JPH2: variants seen among roughly 807,000 people sequenced by gnomAD.
JPH2 encodes junctophilin 2.
A neutral mutation model predicts 55.9 loss-of-function variants in JPH2; 38 were observed. The ratio of observed to expected loss-of-function variants is 0.68; its 90% confidence interval spans 0.52 to 0.89. The LOEUF (loss-of-function observed/expected upper bound fraction) is 0.89. Ranked by LOEUF, JPH2 falls within the 40% of genes least tolerant of loss-of-function variation. The pLI, the probability that JPH2 is intolerant of heterozygous loss-of-function variation, is 0.00. For missense variants in JPH2, 964 were observed against 1,037.6 expected, an observed-to-expected ratio of 0.93 and a Z score of 0.97; for synonymous variants, 480 against 472.4, an observed-to-expected ratio of 1.02 and a Z score of -0.21.
chr20:44,186,290 C>T (rs1157597863), intron 1 of JPH2, 37 bp downstream of exon 1: 3 of 1,605,490 alleles, frequency 1.9e-6, no homozygotes, highest in African/African-American at 2.7e-5. Flanking sequence ...CCCTCCCTGG[C>T]TCCACCCCAC....
chr20:44,123,465 AC>A (rs1299666337), intron 2 of JPH2, among the ~76,000 whole-genome samples: 4 of 152,056 alleles, frequency 2.6e-5, no homozygotes, highest in Admixed American at 2.6e-4. Context: ...CCGTGGCCTC[AC>A]CCCTTGCTTC....
chr20:44,170,179 T>C (rs767218622), intron 1 of JPH2, among the ~76,000 whole-genome samples: 17 of 152,218 alleles, frequency 1.1e-4, no homozygotes, highest in Non-Finnish European at 1.6e-4. Context: ...AGTTCCTTCA[T>C]GACCTGGTTC....
intron 2 of JPH2, among the ~76,000 whole-genome samples, chr20:44,124,720 G>A (rs748128392): frequency 3.3e-5 from 5 of 151,934 alleles, no homozygotes; most frequent in Non-Finnish European, 5.9e-5. Context: ...TCCAGGGCAC[G>A]GGTCAGCAGA....
chr20:44,119,469 C>T (rs891312345), intron 2 of JPH2, among the ~76,000 whole-genome samples: 1 of 152,194 alleles, frequency 6.6e-6, no homozygotes, highest in South Asian at 2.1e-4. Flanking sequence ...CAGATCCCTT[C>T]ACTGGGCAAA....
At chr20:44,126,013 C>T (rs2072272200) in intron 2 of JPH2, among the ~76,000 whole-genome samples, 1 of 151,502 alleles carries the variant, frequency 6.6e-6, no homozygotes, top group Admixed American at 6.6e-5. Context: ...ATGGACCCCG[C>T]TACTTGGAAG....
chr20:44,186,320 G>A lies in JPH2; in HGVS notation c.379+7C>T. 1 of 1,609,118 alleles carries A rather than the reference G, an allele frequency of 6.2e-7. No homozygotes were observed. The highest frequency in any genetic ancestry group is 8.5e-7 in the Non-Finnish European group (1 of 1,179,614). ...CCCCACCTCTGCGGGCCCCCAGCTG[G>A]CCTCACCTCCATCAGCATAGGTCTC... On this transcript the variant is annotated splice_region_variant and intron_variant, in intron 1 of 5. Coordinates refer to ENST00000372980, the MANE Select transcript of JPH2 (RefSeq NM_020433.5).
At chr20:44,151,894 C>T (rs2072533268) in intron 2 of JPH2, among the ~76,000 whole-genome samples, 1 of 152,214 alleles carries the variant, frequency 6.6e-6, no homozygotes, top group Non-Finnish European at 1.5e-5. Flanking sequence ...ATGCTAGTTC[C>T]TCTACCTGGA....
In JPH2 at chr20:44,175,001, TA is replaced by T. The variant is rs11483850; in HGVS notation, c.379+11325del. Among the ~76,000 whole-genome samples the T allele has an allele frequency of 3.2e-3, 480 of 150,368 alleles. 3 individuals carry two copies. Among genetic ancestry groups the T allele is most frequent in the Middle Eastern group, 0.031 (9 of 294 alleles). On this transcript the variant is annotated intron_variant, in intron 1 of 5. Transcript: ENST00000372980. ...AACAGAGTGAGACCCTGTCTCAAAT[TA>T]AAAAAAAAGAAAACAAAATTTTAAA...
chr20:44,167,145 G>A (rs1333063386), intron 1 of JPH2, among the ~76,000 whole-genome samples: 2 of 152,188 alleles, frequency 1.3e-5, no homozygotes, highest in Non-Finnish European at 2.9e-5. Context: ...CATTCCCTGA[G>A]TGCTGCTGGA....
At position 44,112,794 on chromosome 20, in the gene JPH2, C is replaced by CA. The variant is rs11482166; in HGVS notation, c.*723_*724insT. On this transcript the variant is annotated 3_prime_UTR_variant, in exon 6 of 6. Transcript: ENST00000372980. ...CTTAACCCCTCTTCCCACCCTGCCC[C>CA]CTGGCCACCTGGTCAGTGGCTTCCC... The CA allele has an allele frequency of 0.42, 63,799 of 152,302 alleles. 14,086 individuals carry two copies. The highest frequency in any genetic ancestry group is 0.54 in the African/African-American group (22,431 of 41,486). The allele number at this position is 152,302 out of a possible 1,614,324, so 9.4% of individuals were successfully genotyped here.
Position 44,159,655 on chromosome 20 carries a change from C to T in JPH2, c.1132G>A (p.Ala378Thr), listed in dbSNP as rs770866282. The T allele has an allele frequency of 1.2e-6, 2 of 1,609,024 alleles. No individual in the cohort carries two copies. The highest frequency in any genetic ancestry group is 2.2e-5 in the East Asian group (1 of 44,886). The change falls in exon 2 of 6, where the codon GCT (alanine) becomes ACT (threonine). Residue 378 changes from alanine (A) to threonine (T), a missense_variant. Physicochemically the swap from Ala to Thr is moderately conservative, Grantham distance 58 (BLOSUM62 0). Transcript: ENST00000372980. This position sits in a 1 kb window ranked among gnomAD's most constrained non-coding sequence, Gnocchi z 5.7. The stretch of plus-strand genomic sequence containing the variant: ...ATCTCGGCCTTCTGGCGCGCGATAG[C>T]AGCGGCGCGCTGGGCACCCTCCACA... ...HSVEGAQRAA[A>T]IARQKAEIAA...
chr20:44,177,208 A>AAT, intron 1 of JPH2: 2 of 985,664 alleles, frequency 2.0e-6, no homozygotes, highest in Non-Finnish European at 2.4e-6. Flanking sequence ...GAACAAGGAT[A>AAT]ACCCTCCAAG....
At chr20:44,165,049 G>C (rs1457890163) in intron 1 of JPH2, among the ~76,000 whole-genome samples, 1 of 151,976 alleles carries the variant, frequency 6.6e-6, no homozygotes, top group Non-Finnish European at 1.5e-5. Context: ...TGTTGGCCAG[G>C]CTGGTCTCAA....
Position 44,160,549 on chromosome 20 carries a change from G to A in JPH2, c.380-142C>T. The stretch of plus-strand genomic sequence containing the variant: ...GGCCGTCTGAGGGTCAGGGTGCACA[G>A]TGCTATGAGTGTTTGAGTCTACTCG... On this transcript the variant is annotated intron_variant, in intron 1 of 5. Coordinates refer to ENST00000372980, the MANE Select transcript of JPH2 (RefSeq NM_020433.5). The surrounding 1 kb of genome is among the most constrained non-coding windows in gnomAD (Gnocchi z 4.9). 1.2e-6 allele frequency: 1 copy of A among 811,432 alleles called. No individual in the cohort carries two copies. Among genetic ancestry groups the A allele is most frequent in the Non-Finnish European group, 2.0e-6 (1 of 489,634 alleles). 50.3% of individuals were successfully genotyped at this position (811,432 alleles called of 1,614,324 possible).
chr20:44,186,566 TCAAAGC>T lies in JPH2; in HGVS notation c.134_139del (p.Gly45_Phe46del), dbSNP rs1258790044. The T allele has an allele frequency of 6.2e-7, 1 of 1,613,640 alleles. No homozygotes were observed. The highest frequency in any genetic ancestry group is 1.7e-5 in the Admixed American group (1 of 60,006). On this transcript the variant is annotated inframe_deletion, in exon 1 of 6. Coordinates refer to ENST00000372980, the MANE Select transcript of JPH2 (RefSeq NM_020433.5). ...GGGCCAGGTGTAGACACCTGCCACC[TCAAAGC>T]CAAAGTTCCAGGAGCCAGAGTATTC...
At chr20:44,124,008 G>A (rs1293092392) in intron 2 of JPH2, among the ~76,000 whole-genome samples, 1 of 152,178 alleles carries the variant, frequency 6.6e-6, no homozygotes, top group Non-Finnish European at 1.5e-5. Context: ...TCTGGGTGAG[G>A]GTCTGGAGGA....
Position 44,160,413 on chromosome 20 carries a change from G to A in JPH2, c.380-6C>T, listed in dbSNP as rs201197277. 3.2e-3 allele frequency: 5,179 copies of A among 1,608,386 alleles called. 28 individuals are homozygous for A. The highest frequency in any genetic ancestry group is 0.011 in the South Asian group (1,010 of 90,082). On this transcript the variant is annotated splice_region_variant and splice_polypyrimidine_tract_variant and intron_variant, in intron 1 of 5. Transcript: ENST00000372980. This position sits in a 1 kb window ranked among gnomAD's most constrained non-coding sequence, Gnocchi z 4.9. ...GAACTGGCCTTGGTACGTCCCTGCGGGCGAGGAGAGGGCGCGTCAGTAGGC... is the reference window on the plus strand; with the variant it reads ...GAACTGGCCTTGGTACGTCCCTGCGAGCGAGGAGAGGGCGCGTCAGTAGGC...
chr20:44,142,191 C>G lies in JPH2; in HGVS notation c.1169+17427G>C, dbSNP rs985820611. On this transcript the variant is annotated intron_variant, in intron 2 of 5. Transcript: ENST00000372980. ...GCCCTACCCTGACCTGCAAGGCCCC[C>G]GAAGCCACCACCCAATAGAACTTTC... 6.6e-5 allele frequency among the ~76,000 whole-genome samples: 10 copies of G among 152,108 alleles called. No homozygotes were observed. In the East Asian group the frequency reaches 1.5e-3, roughly 23 times the overall value.
At chr20:44,163,445 C>T (rs2072630196) in intron 1 of JPH2, among the ~76,000 whole-genome samples, 1 of 152,100 alleles carries the variant, frequency 6.6e-6, no homozygotes, top group Non-Finnish European at 1.5e-5. Flanking sequence ...CTGCCTGGTC[C>T]CTCCCAGCAC....
Sources: gnomAD v4.1 joint callset for allele counts (sites outside exome capture counted in the v4.1 genomes callset) on GRCh38, gnomAD v4.1.1 for gene constraint, Gnocchi (gnomAD v3.1) non-coding constraint, MANE v1.5 for transcripts, NCBI Gene and HGNC (gene_info 2026-07-23, HGNC 2026-07-21) for gene names.